KRT3: variants seen among roughly 807,000 people sequenced by gnomAD.
KRT3 encodes the protein keratin 3.
In KRT3, 34 loss-of-function variants were observed where a neutral mutation model predicts 45.8. The observed-to-expected ratio is 0.74, with a 90% CI of 0.57 to 0.99. The LOEUF (loss-of-function observed/expected upper bound fraction) is 0.99. KRT3 is among the 50% of genes least tolerant of loss of function. The pLI, the probability that KRT3 is intolerant of heterozygous loss-of-function variation, is 0.00. For missense variants in KRT3, 828 were observed against 820.6 expected, an observed-to-expected ratio of 1.01 and a Z score of -0.11; for synonymous variants, 367 against 329.0, an observed-to-expected ratio of 1.12 and a Z score of -1.25.
rs934522393 is a variant in KRT3 at position 52,789,971 on chromosome 12, G to A, written c.*71C>T. 4 of 1,433,498 alleles carry A rather than the reference G, an allele frequency of 2.8e-6. No individual in the cohort carries two copies. In the African/African-American group the frequency reaches 4.2e-5, roughly 15 times the overall value. 88.8% of individuals were successfully genotyped at this position (1,433,498 alleles called of 1,614,324 possible). A position where few individuals can be genotyped will look rare whatever the true frequency, so the allele number is the denominator to read the frequency against. ...TGGGGAGCATGGGGTGGCGCTGGGG[G>A]TGTTGCCAATATGGGGGCGTGGGGA... On this transcript the variant is annotated 3_prime_UTR_variant, in exon 9 of 9. Coordinates refer to ENST00000417996, the MANE Select transcript of KRT3 (RefSeq NM_057088.3).
At position 52,795,570 on chromosome 12, in the gene KRT3, G is replaced by T. The variant is rs1229874591; in HGVS notation, c.473C>A (p.Pro158His). Residue 158 changes from proline to histidine, a missense_variant, in exon 1 of 9, where the codon CCT becomes CAT. Coordinates refer to ENST00000417996, the MANE Select transcript of KRT3 (RefSeq NM_057088.3). Reference protein sequence around the residue: ...GFGGPGSLGSPGGFGPGGFPG... With the variant: ...GFGGPGSLGSHGGFGPGGFPG... ...AAAGCCCCCAGGGCCAAAGCCACCA[G>T]GACTGCCCAAGCTGCCAGGCCCACC... 1 of 1,610,634 alleles carries T rather than the reference G, an allele frequency of 6.2e-7. No individual in the cohort carries two copies. Among genetic ancestry groups the T allele is most frequent in the Non-Finnish European group, 8.5e-7 (1 of 1,178,212 alleles).
At chr12:52,794,383 G>A in intron 1 of KRT3, 52 bp from the exon 2 acceptor site, 9 of 1,399,928 alleles carry the variant, frequency 6.4e-6, no homozygotes, top group Non-Finnish European at 8.1e-6. Context: ...CAGAGGAGCA[G>A]AGGGGCCTTC....
chr12:52,794,917 G>A (rs1274396041), intron 1 of KRT3, among the ~76,000 whole-genome samples: 1 of 152,162 alleles, frequency 6.6e-6, no homozygotes, highest in Non-Finnish European at 1.5e-5. Flanking sequence ...GCGCTCCCTT[G>A]GGACTAACTA....
rs1163981650 is a variant in KRT3 at position 52,790,093 on chromosome 12, G to C, written c.1836C>G (p.Gly612=). 36 of 1,542,168 alleles carry C rather than the reference G, an allele frequency of 2.3e-5. No homozygotes were observed. Among genetic ancestry groups the C allele is most frequent in the Non-Finnish European group, 3.0e-5 (34 of 1,146,880 alleles). Residue 612 remains glycine (G), a synonymous_variant, in exon 9 of 9, where the codon GGC becomes GGG. Coordinates refer to ENST00000417996, the MANE Select transcript of KRT3 (RefSeq NM_057088.3). ...GGGAGGACTGGGAGAACTTGATGCT[G>C]CCGCCCCGGTTGCTGGCCGAGCTGA... ...GGFSSASNRG[G]SIKFSQSSQS...
chr12:52,791,569 T>C, intron 6 of KRT3, 122 bp downstream of exon 6: 1 of 1,462,562 alleles, frequency 6.8e-7, no homozygotes, highest in Non-Finnish European at 9.4e-7. Flanking sequence ...GTGGAGATAC[T>C]GCCCTGTGGG....
In KRT3 at chr12:52,793,220, A is replaced by G; in HGVS notation, c.870T>C (p.Tyr290=). ...EDLVEDFKKK[Y]EDEINKRTAA... Reference sequence around the variant, plus strand: ...CTGTACGTTTATTGATTTCATCCTCATATCTGTGTGAATAAAAAAGAAACA... The same window carrying G: ...CTGTACGTTTATTGATTTCATCCTCGTATCTGTGTGAATAAAAAAGAAACA... The change falls in exon 3 of 9, where the codon TAT becomes TAC. Residue 290 remains tyrosine, a synonymous_variant. Transcript: ENST00000417996. 2.5e-6 allele frequency: 4 copies of G among 1,603,224 alleles called. No homozygotes were observed. Among genetic ancestry groups the G allele is most frequent in the Non-Finnish European group, 3.4e-6 (4 of 1,174,048 alleles).
intron 1 of KRT3, among the ~76,000 whole-genome samples, chr12:52,794,928 A>T (rs1939603481): frequency 6.6e-6 from 1 of 152,128 alleles, no homozygotes; most frequent in South Asian, 2.1e-4. Flanking sequence ...GGACTAACTA[A>T]GGTTCTTATG....
In KRT3 at chr12:52,795,433, T is replaced by A. The variant is rs1264812519; in HGVS notation, c.610A>T (p.Thr204Ser). 1 of 1,613,978 alleles carries A rather than the reference T, an allele frequency of 6.2e-7. No individual in the cohort carries two copies. The highest frequency in any genetic ancestry group is 8.5e-7 in the Non-Finnish European group (1 of 1,180,022). ...AAGGAGGCAAACTTGTTGTTGAGGGTCTTGATCTGTTCCCGCTCCTGGGCC... is the reference window on the plus strand; with the variant it reads ...AAGGAGGCAAACTTGTTGTTGAGGGACTTGATCTGTTCCCGCTCCTGGGCC... ...VKAQEREQIK[T>S]LNNKFASFID... The change falls in exon 1 of 9, where the codon ACC becomes TCC. Residue 204 changes from threonine to serine, a missense_variant. Coordinates refer to ENST00000417996, the MANE Select transcript of KRT3 (RefSeq NM_057088.3).
At position 52,792,295 on chromosome 12, in the gene KRT3, A is replaced by G. The variant is rs748644143; in HGVS notation, c.1132T>C (p.Tyr378His). Residue 378 changes from tyrosine (Y) to histidine (H), a missense_variant, in exon 5 of 9, where the codon TAT (tyrosine) becomes CAT (histidine). Transcript: ENST00000417996. ...DSIIAEVRAQ[Y>H]EDIAQRSKAE... The stretch of plus-strand genomic sequence containing the variant: ...TTGCTTCTCTGAGCGATATCCTCAT[A>G]CTGTGCACGAACTTCAGCAATGATG... 8 of 1,614,004 alleles carry G rather than the reference A, an allele frequency of 5.0e-6. No homozygotes were observed. Among genetic ancestry groups the G allele is most frequent in the Non-Finnish European group, 5.9e-6 (7 of 1,179,988 alleles).
chr12:52,796,106 G>A lies in KRT3; in HGVS notation c.-64C>T. ...AGGGACACTGAGAGTCAGAGGAAGA[G>A]GGATGGGAAATGAAGACCTGTGCAA... On this transcript the variant is annotated 5_prime_UTR_variant, in exon 1 of 9. Transcript: ENST00000417996. 1 of 1,563,384 alleles carries A rather than the reference G, an allele frequency of 6.4e-7. No homozygotes were observed. The highest frequency in any genetic ancestry group is 8.7e-7 in the Non-Finnish European group (1 of 1,143,326).
At position 52,795,572 on chromosome 12, in the gene KRT3, A is replaced by T; in HGVS notation, c.471T>A (p.Ser157Arg). 1 of 1,610,042 alleles carries T rather than the reference A, an allele frequency of 6.2e-7. No individual in the cohort carries two copies. Among genetic ancestry groups the T allele is most frequent in the Non-Finnish European group, 8.5e-7 (1 of 1,177,910 alleles). ...AGCCCCCAGGGCCAAAGCCACCAGGACTGCCCAAGCTGCCAGGCCCACCAA... is the reference window on the plus strand; with the variant it reads ...AGCCCCCAGGGCCAAAGCCACCAGGTCTGCCCAAGCTGCCAGGCCCACCAA... The part of the protein sequence containing the change: ...GGFGGPGSLG[S>R]PGGFGPGGFP... The change falls in exon 1 of 9, where the codon AGT becomes AGA. Residue 157 changes from serine (S) to arginine (R), a missense_variant. Transcript: ENST00000417996.
chr12:52,790,626 G>C (rs933235402), intron 8 of KRT3, among the ~76,000 whole-genome samples: 10 of 152,140 alleles, frequency 6.6e-5, no homozygotes, highest in African/African-American at 2.4e-4. Flanking sequence ...CCTATCAAGA[G>C]GCCCCCTGTT....
chr12:52,790,390 G>C (rs1332780824), intron 8 of KRT3, 32 bp from the exon 9 acceptor site: 3 of 1,558,540 alleles, frequency 1.9e-6, no homozygotes, highest in Middle Eastern at 1.7e-4. Flanking sequence ...AGCGATCAGC[G>C]ACGGCGCCCA....
rs971297611 is a variant in KRT3 at position 52,793,773 on chromosome 12, G to T, written c.866+338C>A. On this transcript the variant is annotated intron_variant, in intron 2 of 8. Transcript: ENST00000417996. ...CACCCAGCTAATTTTTGTATTTTTA[G>T]TAGAGATGATATTTCGCCATGTTGG... is the stretch of plus-strand genomic sequence containing the variant. Among the ~76,000 whole-genome samples the T allele has an allele frequency of 3.9e-5, 6 of 152,058 alleles. No homozygotes were observed. In the East Asian group the frequency reaches 1.2e-3, roughly 29 times the overall value.
Position 52,790,260 on chromosome 12 carries a change from C to A in KRT3, c.1669G>T (p.Gly557Cys). The A allele has an allele frequency of 6.4e-7, 1 of 1,551,376 alleles. No individual in the cohort carries two copies. The highest frequency in any genetic ancestry group is 8.7e-7 in the Non-Finnish European group (1 of 1,147,064). Residue 557 changes from glycine to cysteine, a missense_variant, in exon 9 of 9, where the codon GGC (glycine) becomes TGC (cysteine). By Grantham distance (159) the Gly-to-Cys change is radical (BLOSUM62 -3). Transcript: ENST00000417996. Reference sequence around the variant, plus strand: ...CCAAAGCCACTGCCTGAGCCGCCGCCCGCACTGAAGCCACCTCCTAAACCA... The same window carrying A: ...CCAAAGCCACTGCCTGAGCCGCCGCACGCACTGAAGCCACCTCCTAAACCA... Reference protein sequence around the residue: ...GGGLGGGFSAGGGSGSGFGRG... With the variant: ...GGGLGGGFSACGGSGSGFGRG...
rs77076106 is a variant in KRT3, at chr12:52,795,071, G to T, written c.645+327C>A. Among the ~76,000 whole-genome samples the T allele has an allele frequency of 3.2e-4, 48 of 152,300 alleles. 3 individuals are homozygous for T. The East Asian group carries it at 9.1e-3, about 29-fold the overall frequency. ...TCCCATTCTTGGTGGACCCTTCGCT[G>T]ATGGTGGCTGTGGCCCTTGCCTTGG... On this transcript the variant is annotated intron_variant, in intron 1 of 8. Transcript: ENST00000417996.
intron 1 of KRT3, 140 bp from the exon 2 acceptor site, chr12:52,794,471 T>C: frequency 3.1e-6 from 2 of 641,568 alleles, no homozygotes; most frequent in East Asian, 5.4e-5. Context: ...AGGCTCCTAC[T>C]GTAGTCAGAG....
In KRT3 at chr12:52,792,701, A is replaced by G. The variant is rs1327288304; in HGVS notation, c.1023+10T>C. 1 of 1,583,432 alleles carries G rather than the reference A, an allele frequency of 6.3e-7. No individual in the cohort carries two copies. The highest frequency in any genetic ancestry group is 8.7e-7 in the Non-Finnish European group (1 of 1,152,136). On this transcript the variant is annotated intron_variant, in intron 4 of 8. Transcript: ENST00000417996. ...TCCCTCTGTCCCTTCTTAGTAGGTA[A>G]CATCCTTACAGCGTCGTAGAGGGTC... is the stretch of plus-strand genomic sequence containing the variant.
In KRT3 at chr12:52,791,439, A is replaced by C; in HGVS notation, c.1315-13T>G. 6.2e-7 allele frequency: 1 copy of C among 1,613,400 alleles called. No homozygotes were observed. Among genetic ancestry groups the C allele is most frequent in the Non-Finnish European group, 8.5e-7 (1 of 1,179,558 alleles). The stretch of plus-strand genomic sequence containing the variant: ...GCAGGTTGGCATTCTGGGGCAAGGG[A>C]GGTAGGAGGAATGAGCTCAGTAAGA... On this transcript the variant is annotated splice_polypyrimidine_tract_variant and intron_variant, in intron 6 of 8. Transcript: ENST00000417996.
Sources: allele counts gnomAD v4.1 joint callset (sites outside exome capture counted in the v4.1 genomes callset), GRCh38; gene constraint gnomAD v4.1.1; transcripts MANE v1.5; gene names NCBI Gene and HGNC (gene_info 2026-07-23, HGNC 2026-07-21).